KLHL17: variants seen among roughly 807,000 people sequenced by gnomAD.
KLHL17 encodes the protein kelch like family member 17, also known as kelch-like protein 17.
In KLHL17, 71 loss-of-function variants were observed where a neutral mutation model predicts 64.6. The ratio of observed to expected loss-of-function variants is 1.10; its 90% CI spans 0.91 to 1.34. The LOEUF (loss-of-function observed/expected upper bound fraction) is 1.34, where lower values mean the gene tolerates loss of function less well. Ranked by LOEUF, KLHL17 falls within the 40% of genes most tolerant of loss-of-function variation. The pLI is 0.00. For missense variants in KLHL17, 1,140 were observed against 935.0 expected, an observed-to-expected ratio of 1.22 and a Z score of -2.86; for synonymous variants, 612 against 405.4, an observed-to-expected ratio of 1.51 and a Z score of -6.12.
chr1:961,269 G>T, intron 1 of KLHL17, 24 bp from the exon 2 acceptor site: 1 of 1,452,308 alleles, frequency 6.9e-7, no homozygotes, highest in Non-Finnish European at 9.0e-7. Flanking sequence ...GCGGGGCGAA[G>T]CCTGACCCGC....
rs1422386056 is a variant in KLHL17 at position 964,123 on chromosome 1, T to C, written c.1461T>C (p.Ala487=). ...TTCCGGCAGATGGGAACCTGTATGC[T>C]GTGGGCGGCTACGACAGCTCCTCAC... ...RVATLDGNLY[A]VGGYDSSSHL... Residue 487 remains alanine, a synonymous_variant, in exon 10 of 12, where the codon GCT becomes GCC. Coordinates refer to ENST00000338591, the MANE Select transcript of KLHL17 (RefSeq NM_198317.3). The C allele has an allele frequency of 4.3e-6, 7 of 1,612,676 alleles. 1 individual carries two copies. Among genetic ancestry groups the C allele is most frequent in the Middle Eastern group, 1.6e-4 (1 of 6,062 alleles).
At position 962,959 on chromosome 1, in the gene KLHL17, A is replaced by T. The variant is rs765586567; in HGVS notation, c.1042+42A>T. On this transcript the variant is annotated intron_variant, in intron 6 of 11. Transcript: ENST00000338591. ...GTTTCCCTCTTGCCCTGTGCCTTCT[A>T]CTCCCCACCAGCACAAGCCCACCCC... is the stretch of plus-strand genomic sequence containing the variant. 11 of 1,517,738 alleles carry T rather than the reference A, an allele frequency of 7.2e-6. No individual in the cohort carries two copies. The African/African-American group carries it at 9.6e-5, about 13-fold the overall frequency. The allele number at this position is 1,517,738 out of a possible 1,614,324, so 94.0% of individuals were successfully genotyped here.
chr1:960,934 G>A (rs1424014582), intron 1 of KLHL17, 134 bp downstream of exon 1: 4 of 668,322 alleles, frequency 6.0e-6, no homozygotes, highest in Admixed American at 1.2e-4. Context: ...GCGGAGCGGG[G>A]TCGGCCCGGA....
In KLHL17 at chr1:960,621, C is replaced by T; in HGVS notation, c.-73C>T. On this transcript the variant is annotated 5_prime_UTR_variant, in exon 1 of 12. Coordinates refer to ENST00000338591, the MANE Select transcript of KLHL17 (RefSeq NM_198317.3). The stretch of plus-strand genomic sequence containing the variant: ...CACAGAGCGGGCCGCCACCGCCGAG[C>T]AGCCCTCCGGCAGTCTCCGCGTCCG... 4.1e-6 allele frequency: 5 copies of T among 1,221,430 alleles called. No individual in the cohort carries two copies. Among genetic ancestry groups the T allele is most frequent in the East Asian group, 4.0e-5 (1 of 24,842 alleles). The allele number at this position is 1,221,430 out of a possible 1,614,324, so 75.7% of individuals were successfully genotyped here.
rs773102407 is a variant in KLHL17 at position 963,353 on chromosome 1, G to T, written c.1204G>T (p.Asp402Tyr). 8 of 1,610,540 alleles carry T rather than the reference G, an allele frequency of 5.0e-6. No homozygotes were observed. In the East Asian group the frequency reaches 1.8e-4, roughly 36 times the overall value. Residue 402 changes from aspartate (D) to tyrosine (Y), a missense_variant, in exon 8 of 12, where the codon GAC (aspartate) becomes TAC (tyrosine). Asp to Tyr is a radical substitution (Grantham distance 160, BLOSUM62 -3). Coordinates refer to ENST00000338591, the MANE Select transcript of KLHL17 (RefSeq NM_198317.3). ...YAVGGYDGTS[D>Y]LATVESYDPV... The stretch of plus-strand genomic sequence containing the variant: ...TTCCGCTAGCTATGATGGGACCTCA[G>T]ACCTGGCTACCGTGGAGTCCTACGA...
In KLHL17 at chr1:964,107, A is replaced by G; in HGVS notation, c.1445A>G (p.Asp482Gly). ...RRRYVRVATL[D>G]GNLYAVGGYD... Reference sequence around the variant, plus strand: ...CCACGGGTGTGTTGACTTCCGGCAGATGGGAACCTGTATGCTGTGGGCGGC... The same window carrying G: ...CCACGGGTGTGTTGACTTCCGGCAGGTGGGAACCTGTATGCTGTGGGCGGC... Residue 482 changes from aspartate to glycine, a missense_variant and splice_region_variant, in exon 10 of 12, where the codon GAT becomes GGT. Physicochemically the swap from Asp to Gly is moderately conservative, Grantham distance 94 (BLOSUM62 -1). Coordinates refer to ENST00000338591, the MANE Select transcript of KLHL17 (RefSeq NM_198317.3). The G allele has an allele frequency of 1.2e-6, 2 of 1,612,640 alleles. No individual in the cohort carries two copies. Among genetic ancestry groups the G allele is most frequent in the Non-Finnish European group, 1.7e-6 (2 of 1,179,912 alleles).
intron 10 of KLHL17, 38 bp from the exon 11 acceptor site, chr1:964,311 G>C (rs1642799594): frequency 1.3e-6 from 2 of 1,556,482 alleles, no homozygotes; most frequent in African/African-American, 1.4e-5. Flanking sequence ...AGGGATGCCA[G>C]TGGCGGGTCT....
rs7525697 is a variant in KLHL17, at chr1:963,197, G to C, written c.1131G>C (p.Thr377=). The stretch of plus-strand genomic sequence containing the variant: ...GGCACGTGGTGGCCTCCATGTCCAC[G>C]CGCCGGGCCCGGGTGGGAGTGGCTG... The part of the protein sequence containing the change: ...DRWHVVASMS[T]RRARVGVAAV... The change falls in exon 7 of 12, where the codon ACG becomes ACC. Residue 377 remains threonine, a synonymous_variant. Coordinates refer to ENST00000338591, the MANE Select transcript of KLHL17 (RefSeq NM_198317.3). 1 of 1,608,366 alleles carries C rather than the reference G, an allele frequency of 6.2e-7. No individual in the cohort carries two copies. Among genetic ancestry groups the C allele is most frequent in the Non-Finnish European group, 8.5e-7 (1 of 1,176,830 alleles).
In KLHL17 at chr1:962,451, C is replaced by T. The variant is rs746924238; in HGVS notation, c.808C>T (p.Arg270Cys). ...CTGGGTGAAACACGACGTGGACGCC[C>T]GCAGGCAGCATGTCCCACGGGTGAG... ...LSWVKHDVDA[R>C]RQHVPRLMKC... Residue 270 changes from arginine to cysteine, a missense_variant, in exon 5 of 12, where the codon CGC (arginine) becomes TGC (cysteine). Coordinates refer to ENST00000338591, the MANE Select transcript of KLHL17 (RefSeq NM_198317.3). 8 of 1,612,648 alleles carry T rather than the reference C, an allele frequency of 5.0e-6. No individual in the cohort carries two copies. The highest frequency in any genetic ancestry group is 1.3e-5 in the African/African-American group (1 of 75,054).
rs371157901 is a variant in KLHL17, at chr1:962,355, G to C, written c.712G>C (p.Val238Leu). 6.2e-7 allele frequency: 1 copy of C among 1,612,572 alleles called. No homozygotes were observed. The highest frequency in any genetic ancestry group is 1.3e-5 in the African/African-American group (1 of 74,906). ...EEFMLLPLKQ[V>L]LELVSSDSLN... ...CAGGTCTGAGGACCCCCACTCCCAG[G>C]TTCTGGAACTGGTCTCTAGCGACAG... Residue 238 changes from valine (V) to leucine (L), a missense_variant and splice_region_variant, in exon 5 of 12, where the codon GTT becomes CTT. Transcript: ENST00000338591.
At position 961,387 on chromosome 1, in the gene KLHL17, G is replaced by T; in HGVS notation, c.202G>T (p.Ala68Ser). The T allele has an allele frequency of 6.3e-7, 1 of 1,598,408 alleles. No homozygotes were observed. ...GCTGAGCCGCGAGGGCCACAGCGTG[G>T]CCCACAACTCCAAGCGGCACTACCA... Reference protein sequence around the residue: ...QLLSREGHSVAHNSKRHYHDA... With the variant: ...QLLSREGHSVSHNSKRHYHDA... The change falls in exon 2 of 12, where the codon GCC (alanine) becomes TCC (serine). Residue 68 changes from alanine to serine, a missense_variant. Coordinates refer to ENST00000338591, the MANE Select transcript of KLHL17 (RefSeq NM_198317.3).
Position 963,347 on chromosome 1 carries a change from A to T in KLHL17, c.1198A>T (p.Thr400Ser). Residue 400 changes from threonine (T) to serine (S), a missense_variant, in exon 8 of 12, where the codon ACC becomes TCC. Thr to Ser is a moderately conservative substitution (Grantham distance 58, BLOSUM62 1). Coordinates refer to ENST00000338591, the MANE Select transcript of KLHL17 (RefSeq NM_198317.3). ...RLYAVGGYDG[T>S]SDLATVESYD... ...GCTTAATTCCGCTAGCTATGATGGG[A>T]CCTCAGACCTGGCTACCGTGGAGTC... 6.2e-7 allele frequency: 1 copy of T among 1,609,116 alleles called. No individual in the cohort carries two copies. The highest frequency in any genetic ancestry group is 8.5e-7 in the Non-Finnish European group (1 of 1,177,180).
At chr1:961,270 C>T in intron 1 of KLHL17, 23 bp from the exon 2 acceptor site, 2 of 1,453,104 alleles carry the variant, frequency 1.4e-6, no homozygotes, top group East Asian at 5.6e-5. Flanking sequence ...CGGGGCGAAG[C>T]CTGACCCGCC....
In KLHL17 at chr1:962,904, G is replaced by A. The variant is rs201850764; in HGVS notation, c.1029G>A (p.Val343=). 44 of 1,552,000 alleles carry A rather than the reference G, an allele frequency of 2.8e-5. No homozygotes were observed. The highest frequency in any genetic ancestry group is 2.6e-6 in the Non-Finnish European group (3 of 1,153,126). ...RPRRCEGAGP[V]LFAVGGGSLF... is the part of the protein sequence containing the mutation. Reference sequence around the variant, plus strand: ...GGCGCTGCGAGGGGGCCGGGCCTGTGCTTTTTGCTGTGGGTATGGCCCCCC... The same window carrying A: ...GGCGCTGCGAGGGGGCCGGGCCTGTACTTTTTGCTGTGGGTATGGCCCCCC... Residue 343 remains valine, a synonymous_variant, in exon 6 of 12, where the codon GTG becomes GTA. Transcript: ENST00000338591.
intron 1 of KLHL17, 94 bp from the exon 2 acceptor site, chr1:961,199 G>C: frequency 1.0e-6 from 1 of 968,888 alleles, no homozygotes; most frequent in Non-Finnish European, 1.3e-6. Context: ...CGCACCAGGG[G>C]CTGGGTCCCC....
At position 962,730 on chromosome 1, in the gene KLHL17, G is replaced by A; in HGVS notation, c.855G>A (p.Leu285=). The A allele has an allele frequency of 6.2e-7, 1 of 1,608,066 alleles. No individual in the cohort carries two copies. The highest frequency in any genetic ancestry group is 8.5e-7 in the Non-Finnish European group (1 of 1,178,886). Residue 285 remains leucine (L), a synonymous_variant, in exon 6 of 12, where the codon TTG becomes TTA. Transcript: ENST00000338591. ...TCATGAAGTGTGTGCGGCTGCCCTTGCTGAGCCGCGACTTCCTGCTGGGCC... is the reference window on the plus strand; with the variant it reads ...TCATGAAGTGTGTGCGGCTGCCCTTACTGAGCCGCGACTTCCTGCTGGGCC... ...PRLMKCVRLP[L]LSRDFLLGHV...
In KLHL17 at chr1:961,613, C is replaced by G. The variant is rs925795158; in HGVS notation, c.368-16C>G. The G allele has an allele frequency of 8.1e-6, 13 of 1,612,756 alleles. No homozygotes were observed. Among genetic ancestry groups the G allele is most frequent in the Non-Finnish European group, 1.1e-5 (13 of 1,179,950 alleles). On this transcript the variant is annotated splice_polypyrimidine_tract_variant and intron_variant, in intron 2 of 11. Coordinates refer to ENST00000338591, the MANE Select transcript of KLHL17 (RefSeq NM_198317.3). ...GGGTCCCTCGGGTCAGCTCGTGTAA[C>G]CCGCTGTCCCCGCAGATGAGATGAG...
Position 965,512 on chromosome 1 carries a change from G to T in KLHL17, c.*321G>T, listed in dbSNP as rs1338238667. 5.2e-6 allele frequency: 2 copies of T among 387,054 alleles called. No individual in the cohort carries two copies. Among genetic ancestry groups the T allele is most frequent in the Non-Finnish European group, 9.3e-6 (2 of 214,596 alleles). 24.0% of individuals were successfully genotyped at this position (387,054 alleles called of 1,614,324 possible). A position where few individuals can be genotyped will look rare whatever the true frequency, so the allele number is the denominator to read the frequency against. On this transcript the variant is annotated 3_prime_UTR_variant, in exon 12 of 12. Transcript: ENST00000338591. ...AGACCTTGCAGGCTGTGGAGCAAGA[G>T]GCCCTGGGTCTCTCCAAGCAGCTGC... is the stretch of plus-strand genomic sequence containing the variant.
At chr1:962,508 G>C in intron 5 of KLHL17, 37 bp downstream of exon 5, 2 of 1,607,720 alleles carry the variant, frequency 1.2e-6, no homozygotes, top group Non-Finnish European at 8.5e-7. Flanking sequence ...ACAGCATCCA[G>C]GAGGGCATGC....
Sources: allele counts gnomAD v4.1 joint callset, GRCh38; gene constraint gnomAD v4.1.1; transcripts MANE v1.5; gene names NCBI Gene and HGNC (gene_info 2026-07-23, HGNC 2026-07-21).